PTPRQ: variants seen among roughly 807,000 people sequenced by gnomAD.
The protein encoded by PTPRQ is phosphatidylinositol phosphatase PTPRQ.
PTPRQ carries 199 observed loss-of-function variants against 246.0 expected under a neutral mutation model. The observed-to-expected ratio is 0.81, with a 90% CI of 0.72 to 0.91. The LOEUF (loss-of-function observed/expected upper bound fraction) is 0.91, where lower values mean the gene tolerates loss of function less well. PTPRQ is among the 40% of genes least tolerant of loss of function. The pLI is 0.00. For missense variants in PTPRQ, 2,624 were observed against 2,528.4 expected (o/e 1.04, Z -0.81); for synonymous variants, 869 against 853.2 (o/e 1.02, Z -0.32).
At chr12:80,607,539 G>T (rs540201622) in intron 27 of PTPRQ, among the ~76,000 whole-genome samples, 1 of 135,880 alleles carries the variant, frequency 7.4e-6, no homozygotes, top group Non-Finnish European at 1.6e-5. Flanking sequence ...CAATGTACCA[G>T]AACTGTGCTA....
chr12:80,455,521 C>G (rs1892949476), intron 3 of PTPRQ, among the ~76,000 whole-genome samples: 1 of 151,814 alleles, frequency 6.6e-6, no homozygotes, highest in Non-Finnish European at 1.5e-5. Flanking sequence ...AATGTAATTA[C>G]TTTCAACAAA....
intron 24 of PTPRQ, among the ~76,000 whole-genome samples, chr12:80,548,429 A>G (rs968504060): frequency 6.6e-6 from 1 of 152,142 alleles, no homozygotes; most frequent in Non-Finnish European, 1.5e-5. Flanking sequence ...TTGATCAGCC[A>G]GAAATTATCT....
chr12:80,479,717 G>T (rs1893963373), intron 8 of PTPRQ, among the ~76,000 whole-genome samples: 1 of 148,300 alleles, frequency 6.7e-6, no homozygotes, highest in South Asian at 2.1e-4. Flanking sequence ...AAAAGGCAGG[G>T]GTTGCAATCC....
At chr12:80,492,247 C>A (rs1044873442) in intron 9 of PTPRQ, among the ~76,000 whole-genome samples, 1 of 151,792 alleles carries the variant, frequency 6.6e-6, no homozygotes, top group Admixed American at 6.6e-5. Context: ...TGCCTAAGCA[C>A]GAATTTCTAA....
At chr12:80,461,542 T>C (rs1423385046) in intron 6 of PTPRQ, among the ~76,000 whole-genome samples, 1 of 151,594 alleles carries the variant, frequency 6.6e-6, no homozygotes, top group Non-Finnish European at 1.5e-5. Context: ...ATACATGTAT[T>C]TATGTATTTC....
At chr12:80,677,363 T>A (rs1901178376) in intron 43 of PTPRQ, among the ~76,000 whole-genome samples, 1 of 152,206 alleles carries the variant, frequency 6.6e-6, no homozygotes, top group East Asian at 1.9e-4. Context: ...TAACAACACT[T>A]CAATTCTTAC....
chr12:80,444,519 G>T, intron 1 of PTPRQ, 120 bp downstream of exon 1: 1 of 724,626 alleles, frequency 1.4e-6, no homozygotes, highest in Non-Finnish European at 2.4e-6. Flanking sequence ...GACTTAGGCT[G>T]TGATAACGCA....
chr12:80,475,590 C>G (rs892945713), intron 8 of PTPRQ, among the ~76,000 whole-genome samples: 1 of 151,866 alleles, frequency 6.6e-6, no homozygotes, highest in African/African-American at 2.4e-5. Context: ...TCTAACAGAT[C>G]AAGTATCTTT....
At chr12:80,562,996 T>C (rs1289455152) in intron 25 of PTPRQ, among the ~76,000 whole-genome samples, 6 of 152,028 alleles carry the variant, frequency 3.9e-5, no homozygotes, top group Non-Finnish European at 8.8e-5. Flanking sequence ...ATATATGAGA[T>C]GAAATGTACT....
chr12:80,513,979 A>T (rs1171197717), intron 17 of PTPRQ, among the ~76,000 whole-genome samples: 2 of 152,106 alleles, frequency 1.3e-5, no homozygotes, highest in Non-Finnish European at 2.9e-5. Context: ...ATCTTGCTTG[A>T]CACAGAGATT....
intron 17 of PTPRQ, among the ~76,000 whole-genome samples, chr12:80,522,478 A>C (rs1895530646): frequency 6.6e-6 from 1 of 152,132 alleles, no homozygotes; most frequent in African/African-American, 2.4e-5. Context: ...TTGCCCATTC[A>C]GTATGATATT....
At chr12:80,594,085 GA>G (rs1366146919) in intron 26 of PTPRQ, among the ~76,000 whole-genome samples, 3 of 152,112 alleles carry the variant, frequency 2.0e-5, no homozygotes, top group East Asian at 3.9e-4. Flanking sequence ...GCAACTTTAT[GA>G]TCTAAAAAGA....
At chr12:80,651,473 G>A (rs949076597) in intron 37 of PTPRQ, among the ~76,000 whole-genome samples, 1 of 151,998 alleles carries the variant, frequency 6.6e-6, no homozygotes, top group Admixed American at 6.6e-5. Context: ...GACAGGAAAA[G>A]GATAGGAATG....
chr12:80,588,521 T>C, intron 26 of PTPRQ, 69 bp downstream of exon 26: 1 of 1,321,518 alleles, frequency 7.6e-7, no homozygotes, highest in Non-Finnish European at 9.7e-7. Flanking sequence ...TATTATGCTT[T>C]ATACTTAATC....
rs140913085 is a variant in PTPRQ at position 80,616,870 on chromosome 12, G to A, written c.5230+604G>A. 3.9e-3 allele frequency among the ~76,000 whole-genome samples: 593 copies of A among 151,126 alleles called. 5 individuals are homozygous for A. Among genetic ancestry groups the A allele is most frequent in the African/African-American group, 0.014 (568 of 41,370 alleles). On this transcript the variant is annotated intron_variant, in intron 30 of 44. Transcript: ENST00000644991. ...AAAAGATGATTAAGAGGAATTTAGG[G>A]CCATTCGAATGATCACGGTGCCCTC...
chr12:80,493,855 T>G (rs78155497), intron 10 of PTPRQ, among the ~76,000 whole-genome samples: 10,015 of 152,028 alleles, frequency 0.066, 448 homozygotes, highest in Middle Eastern at 0.12. Context: ...AAGTTACAAA[T>G]CTAGTGCATG....
intron 44 of PTPRQ, 94 bp from the exon 45 acceptor site, chr12:80,678,892 C>A: frequency 6.9e-7 from 1 of 1,453,070 alleles, no homozygotes; most frequent in Admixed American, 2.7e-5. Flanking sequence ...CTAATAATAC[C>A]CTTTCTGTCT....
rs1900298602 is a variant in PTPRQ at position 80,652,832 on chromosome 12, C to A, written c.6113C>A (p.Pro2038Gln). The change falls in exon 38 of 45, where the codon CCA becomes CAA. Residue 2038 changes from proline (P) to glutamine (Q), a missense_variant and splice_region_variant. Physicochemically the swap from Pro to Gln is moderately conservative, Grantham distance 76. Coordinates refer to ENST00000644991, the MANE Select transcript of PTPRQ (RefSeq NM_001145026.2). The stretch of plus-strand genomic sequence containing the variant: ...AAAAACCGCTTCCCAAACATAAAAC[C>A]ATGTATGTGCATTTGTTGGTTTTGG... Reference protein sequence around the residue: ...RAKNRFPNIKPYNNNRVKLIA... With the variant: ...RAKNRFPNIKQYNNNRVKLIA... 6.7e-7 allele frequency: 1 copy of A among 1,490,226 alleles called. No individual in the cohort carries two copies. The highest frequency in any genetic ancestry group is 8.9e-7 in the Non-Finnish European group (1 of 1,120,506). The allele number at this position is 1,490,226 out of a possible 1,614,324, so 92.3% of individuals were successfully genotyped here. A position where few individuals can be genotyped will look rare whatever the true frequency, so the allele number is the denominator to read the frequency against.
At chr12:80,584,700 T>C (rs867651307) in intron 25 of PTPRQ, among the ~76,000 whole-genome samples, 13 of 152,136 alleles carry the variant, frequency 8.5e-5, no homozygotes, top group Admixed American at 2.0e-4. Context: ...TGAAATTCCA[T>C]CTCATGTGCC....
Sources: gnomAD v4.1 joint callset for allele counts (sites outside exome capture counted in the v4.1 genomes callset) on GRCh38, gnomAD v4.1.1 for gene constraint, MANE v1.5 for transcripts, NCBI Gene and HGNC (gene_info 2026-07-23, HGNC 2026-07-21) for gene names.